SLC24A3: variants seen among roughly 807,000 people sequenced by gnomAD.
SLC24A3 encodes the protein sodium/potassium/calcium exchanger 3.
Under a neutral mutation model 75.8 loss-of-function variants are expected in SLC24A3, and 28 were observed. The ratio of observed to expected loss-of-function variants is 0.37; its 90% CI spans 0.27 to 0.51. The LOEUF is 0.51. SLC24A3 is among the 20% of genes least tolerant of loss of function. The pLI, the probability that SLC24A3 is intolerant of heterozygous loss-of-function variation, is 0.94. For synonymous variants in SLC24A3, 372 were observed against 334.1 expected (o/e 1.11, Z -1.24); for missense variants, 663 against 847.8 (o/e 0.78, Z 2.71).
intron 4 of SLC24A3, 150 bp downstream of exon 4, chr20:19,580,224 G>A: frequency 1.6e-6 from 1 of 618,772 alleles, no homozygotes; most frequent in Non-Finnish European, 2.9e-6. Context: ...TGAGAGCAAT[G>A]GGCAATATTA....
intron 2 of SLC24A3, among the ~76,000 whole-genome samples, chr20:19,319,784 A>G (rs902055608): frequency 6.6e-6 from 1 of 152,142 alleles, no homozygotes; most frequent in Non-Finnish European, 1.5e-5. Flanking sequence ...GCAGTTATTT[A>G]CCAGCTGGTA....
At chr20:19,705,354 G>T (rs1167110626) in intron 15 of SLC24A3, among the ~76,000 whole-genome samples, 1 of 152,104 alleles carries the variant, frequency 6.6e-6, no homozygotes, top group African/African-American at 2.4e-5. Context: ...GCTCTCTTTG[G>T]GTGTCTTCAA....
intron 2 of SLC24A3, among the ~76,000 whole-genome samples, chr20:19,336,548 G>A (rs1277903380): frequency 6.6e-6 from 1 of 152,030 alleles, no homozygotes; most frequent in Admixed American, 6.5e-5. Flanking sequence ...ACCACACCTG[G>A]ATAATTTTTG....
At chr20:19,471,377 G>A (rs1468233288) in intron 2 of SLC24A3, among the ~76,000 whole-genome samples, 1 of 152,166 alleles carries the variant, frequency 6.6e-6, no homozygotes, top group Non-Finnish European at 1.5e-5. Context: ...CAAAATCAAT[G>A]TGGCTCCAAT....
At chr20:19,677,757 G>A (rs567110102) in intron 9 of SLC24A3, among the ~76,000 whole-genome samples, 62 of 149,228 alleles carry the variant, frequency 4.2e-4, no homozygotes, top group African/African-American at 1.4e-3. Flanking sequence ...CTCACAGAGG[G>A]GGATTTGGCA....
chr20:19,236,166 G>A (rs1302787778), intron 1 of SLC24A3, among the ~76,000 whole-genome samples: 1 of 152,204 alleles, frequency 6.6e-6, no homozygotes, highest in African/African-American at 2.4e-5. Flanking sequence ...GGTCTAAATA[G>A]CATATGGGAC....
intron 8 of SLC24A3, among the ~76,000 whole-genome samples, chr20:19,672,348 G>A (rs1364737733): frequency 6.6e-6 from 1 of 152,114 alleles, no homozygotes; most frequent in Non-Finnish European, 1.5e-5. Flanking sequence ...TTGGAAGGGA[G>A]ATGGAAGAAA....
intron 1 of SLC24A3, among the ~76,000 whole-genome samples, chr20:19,278,395 G>T (rs924100106): frequency 6.6e-6 from 1 of 152,138 alleles, no homozygotes; most frequent in Non-Finnish European, 1.5e-5. Flanking sequence ...ATCACCTCCC[G>T]TATAAACCAC....
At chr20:19,695,877 A>T (rs937046168) in intron 13 of SLC24A3, among the ~76,000 whole-genome samples, 3 of 152,172 alleles carry the variant, frequency 2.0e-5, no homozygotes, top group African/African-American at 7.2e-5. Context: ...TCTGTGTCTG[A>T]GCTGTTTCAC....
At chr20:19,710,730 G>C (rs2032978401) in intron 15 of SLC24A3, among the ~76,000 whole-genome samples, 1 of 152,232 alleles carries the variant, frequency 6.6e-6, no homozygotes, top group African/African-American at 2.4e-5. Context: ...CATGCCTCAA[G>C]AAAGTGTTTT....
intron 6 of SLC24A3, among the ~76,000 whole-genome samples, chr20:19,645,778 G>A (rs1241794484): frequency 2.0e-5 from 3 of 152,188 alleles, no homozygotes; most frequent in Non-Finnish European, 4.4e-5. Flanking sequence ...CTCAGGCCGA[G>A]CACAGTGGCT....
intron 1 of SLC24A3, among the ~76,000 whole-genome samples, chr20:19,225,206 C>G (rs1981839803): frequency 6.6e-6 from 1 of 152,080 alleles, no homozygotes; most frequent in Admixed American, 6.5e-5. Context: ...TTTTTTCATC[C>G]TTCTTGTTGG....
chr20:19,664,838 G>A (rs190904521), intron 7 of SLC24A3, among the ~76,000 whole-genome samples: 8 of 152,306 alleles, frequency 5.3e-5, no homozygotes, highest in Non-Finnish European at 7.4e-5. Flanking sequence ...AAATATAGGT[G>A]TACTCATTTG....
intron 6 of SLC24A3, among the ~76,000 whole-genome samples, chr20:19,590,694 C>G (rs1284657913): frequency 2.6e-5 from 4 of 152,208 alleles, no homozygotes; most frequent in Non-Finnish European, 4.4e-5. Flanking sequence ...TCAGGTCCAG[C>G]TGAGGCAGCC....
chr20:19,532,702 CTG>C (rs2030324755), intron 3 of SLC24A3, among the ~76,000 whole-genome samples: 1 of 152,240 alleles, frequency 6.6e-6, no homozygotes, highest in Non-Finnish European at 1.5e-5. Context: ...GCACCAGACA[CTG>C]TGCTCGGTGT....
At chr20:19,291,545 A>G (rs1600414372) in intron 2 of SLC24A3, among the ~76,000 whole-genome samples, 1 of 152,338 alleles carries the variant, frequency 6.6e-6, no homozygotes, top group East Asian at 1.9e-4. Context: ...TGTCTAGGCT[A>G]TCCTACGGAC....
chr20:19,429,186 C>T (rs925485867), intron 2 of SLC24A3, among the ~76,000 whole-genome samples: 1 of 152,224 alleles, frequency 6.6e-6, no homozygotes, highest in African/African-American at 2.4e-5. Context: ...ACTCAACTAT[C>T]CTCACTGTTC....
intron 7 of SLC24A3, among the ~76,000 whole-genome samples, chr20:19,661,579 G>T (rs2032327082): frequency 4.6e-5 from 7 of 152,274 alleles, no homozygotes; most frequent in East Asian, 3.9e-4. Context: ...TCAGGTTTCA[G>T]TCTCTTGAAA....
chr20:19,292,280 G>A (rs1342709167), intron 2 of SLC24A3, among the ~76,000 whole-genome samples: 1 of 152,198 alleles, frequency 6.6e-6, no homozygotes, highest in East Asian at 1.9e-4. Flanking sequence ...CCTGCAAACG[G>A]AGTCTCAGCT....
Sources: allele counts gnomAD v4.1 joint callset (sites outside exome capture counted in the v4.1 genomes callset), GRCh38; gene constraint gnomAD v4.1.1; transcripts MANE v1.5; gene names NCBI Gene and HGNC (gene_info 2026-07-23, HGNC 2026-07-21).